TMEM132C: variants seen among roughly 807,000 people sequenced by gnomAD.
TMEM132C encodes protein phosphatase 1, regulatory subunit 152.
A neutral mutation model predicts 61.4 loss-of-function variants in TMEM132C; 29 were observed. That is an observed-to-expected ratio of 0.47 (90% CI 0.35 to 0.64). The LOEUF is 0.64. Ranked by LOEUF, TMEM132C falls within the 30% of genes least tolerant of loss-of-function variation. TMEM132C has a pLI of 0.00. For missense variants in TMEM132C, 1,408 were observed against 1,476.9 expected (o/e 0.95, Z 0.76); for synonymous variants, 656 against 633.1 (o/e 1.04, Z -0.54).
chr12:128,384,143 G>A lies in TMEM132C; in HGVS notation c.86-30589G>A, dbSNP rs116577753. Among the ~76,000 whole-genome samples, 420 of 152,316 alleles carry A rather than the reference G, an allele frequency of 2.8e-3. 1 individual carries two copies. The highest frequency in any genetic ancestry group is 8.8e-3 in the African/African-American group (364 of 41,572). On this transcript the variant is annotated intron_variant, in intron 1 of 8. Coordinates refer to ENST00000435159, the MANE Select transcript of TMEM132C (RefSeq NM_001136103.3). ...AAGGGAAGAGTCAGGTGGGCAACCC[G>A]TCGTCAATCATTAGAGGAGCTGAAG...
At chr12:128,472,401 T>C (rs78414651) in intron 2 of TMEM132C, among the ~76,000 whole-genome samples, 1,891 of 152,262 alleles carry the variant, frequency 0.012, 40 homozygotes, top group African/African-American at 0.042. Context: ...TTGGGAAATA[T>C]TAGGTTAGTC....
intron 3 of TMEM132C, among the ~76,000 whole-genome samples, chr12:128,557,566 T>C (rs889087261): frequency 6.6e-6 from 1 of 152,190 alleles, no homozygotes; most frequent in Non-Finnish European, 1.5e-5. Context: ...CCTCTGTTAC[T>C]GGTCCTCAGA....
At chr12:128,302,379 A>C (rs1316957024) in intron 1 of TMEM132C, among the ~76,000 whole-genome samples, 1 of 152,210 alleles carries the variant, frequency 6.6e-6, no homozygotes, top group Non-Finnish European at 1.5e-5. Context: ...AACATGCAAA[A>C]TCAGATTACT....
At chr12:128,592,081 C>T (rs539480301) in intron 3 of TMEM132C, among the ~76,000 whole-genome samples, 2 of 144,556 alleles carry the variant, frequency 1.4e-5, no homozygotes, top group African/African-American at 5.1e-5. Context: ...AAAACAGACA[C>T]AGCCGAGAGG....
At chr12:128,470,243 C>T (rs1046649812) in intron 2 of TMEM132C, among the ~76,000 whole-genome samples, 1 of 152,112 alleles carries the variant, frequency 6.6e-6, no homozygotes, top group Non-Finnish European at 1.5e-5. Context: ...AGTGGCTTGT[C>T]GACTTACCAT....
chr12:128,276,278 A>T (rs1160791168), intron 1 of TMEM132C, among the ~76,000 whole-genome samples: 2 of 152,246 alleles, frequency 1.3e-5, no homozygotes, highest in African/African-American at 4.8e-5. Flanking sequence ...AATCCACAGT[A>T]CAATACAATG....
At chr12:128,533,598 T>C (rs2136138296) in intron 2 of TMEM132C, among the ~76,000 whole-genome samples, 1 of 152,262 alleles carries the variant, frequency 6.6e-6, no homozygotes, top group African/African-American at 2.4e-5. Context: ...CTTTCTCTTC[T>C]GGTGTCTATC....
intron 1 of TMEM132C, among the ~76,000 whole-genome samples, chr12:128,286,062 C>CCTCT (rs138264526): frequency 0.024 from 2,201 of 92,264 alleles, 150 homozygotes; most frequent in South Asian, 0.086. Flanking sequence ...TCTCTCCCTT[C>CCTCT]CTCTCTCTCT....
intron 3 of TMEM132C, among the ~76,000 whole-genome samples, chr12:128,566,075 A>G (rs541976174): frequency 1.3e-4 from 19 of 151,350 alleles, no homozygotes; most frequent in Non-Finnish European, 2.5e-4. Context: ...TTTTTAGCAG[A>G]AATGGGGTTT....
At chr12:128,311,924 G>C (rs1159936347) in intron 1 of TMEM132C, among the ~76,000 whole-genome samples, 1 of 152,224 alleles carries the variant, frequency 6.6e-6, no homozygotes, top group Non-Finnish European at 1.5e-5. Context: ...CAGAAGCTGA[G>C]TCATATCCTC....
At chr12:128,552,301 C>T (rs1187269106) in intron 3 of TMEM132C, among the ~76,000 whole-genome samples, 1 of 152,212 alleles carries the variant, frequency 6.6e-6, no homozygotes, top group Non-Finnish European at 1.5e-5. Flanking sequence ...CCATAATATT[C>T]TGTAGATTTT....
At chr12:128,686,297 T>C (rs1422373596) in intron 5 of TMEM132C, among the ~76,000 whole-genome samples, 2 of 152,192 alleles carry the variant, frequency 1.3e-5, no homozygotes, top group Non-Finnish European at 1.5e-5. Context: ...TTGGCAACAT[T>C]CTACCCCGTT....
intron 3 of TMEM132C, 109 bp downstream of exon 3, chr12:128,544,212 C>G: frequency 7.3e-7 from 1 of 1,373,892 alleles, no homozygotes; most frequent in Non-Finnish European, 9.5e-7. Context: ...CTCAGAGGAG[C>G]TATTGAACCC....
chr12:128,697,296 A>G lies in TMEM132C; in HGVS notation c.2002A>G (p.Thr668Ala). Residue 668 changes from threonine (T) to alanine (A), a missense_variant, in exon 8 of 9, where the codon ACA (threonine) becomes GCA (alanine). By Grantham distance (58) the Thr-to-Ala change is moderately conservative. Coordinates refer to ENST00000435159, the MANE Select transcript of TMEM132C (RefSeq NM_001136103.3). ...CGTGCTAGATGACAAAGTATCGGTGACAGACTTGGCCATCCAGCTCGTGGC... is the reference window on the plus strand; with the variant it reads ...CGTGCTAGATGACAAAGTATCGGTGGCAGACTTGGCCATCCAGCTCGTGGC... ...ITVLDDKVSV[T>A]DLAIQLVAGL... 6.4e-7 allele frequency: 1 copy of G among 1,550,874 alleles called. No individual in the cohort carries two copies. The highest frequency in any genetic ancestry group is 1.2e-5 in the South Asian group (1 of 83,936).
intron 4 of TMEM132C, among the ~76,000 whole-genome samples, chr12:128,660,832 C>T (rs1274853922): frequency 1.3e-5 from 2 of 151,964 alleles, no homozygotes; most frequent in Non-Finnish European, 2.9e-5. Context: ...TGGTACCCTA[C>T]CCACCAAAAT....
intron 2 of TMEM132C, among the ~76,000 whole-genome samples, chr12:128,417,662 A>G (rs1868827131): frequency 6.6e-6 from 1 of 152,176 alleles, no homozygotes; most frequent in African/African-American, 2.4e-5. Context: ...GTGAGGATTC[A>G]GTGGGCTAAT....
chr12:128,526,716 G>C (rs1388991766), intron 2 of TMEM132C, among the ~76,000 whole-genome samples: 1 of 152,174 alleles, frequency 6.6e-6, no homozygotes, highest in African/African-American at 2.4e-5. Flanking sequence ...GCCTCCCTAA[G>C]GTGGGATTTG....
chr12:128,523,376 C>G (rs1328573593), intron 2 of TMEM132C, among the ~76,000 whole-genome samples: 2 of 152,158 alleles, frequency 1.3e-5, no homozygotes, highest in African/African-American at 4.8e-5. Context: ...ATGCTTAATG[C>G]CACTCAACTG....
chr12:128,452,923 G>C (rs1366533425), intron 2 of TMEM132C, among the ~76,000 whole-genome samples: 1 of 152,128 alleles, frequency 6.6e-6, no homozygotes, highest in Non-Finnish European at 1.5e-5. Flanking sequence ...GTTGTATTTT[G>C]TAGTAAATGT....
Sources: allele counts gnomAD v4.1 joint callset (sites outside exome capture counted in the v4.1 genomes callset), GRCh38; gene constraint gnomAD v4.1.1; transcripts MANE v1.5; gene names NCBI Gene and HGNC (gene_info 2026-07-23, HGNC 2026-07-21).